SH3PXD2B: variants seen among roughly 807,000 people sequenced by gnomAD.
SH3PXD2B encodes the protein SH3 and PX domains 2B, also known as SH3 and PX domain-containing protein 2B.
SH3PXD2B carries 37 observed loss-of-function variants against 73.1 expected under a neutral mutation model. That is an observed-to-expected ratio of 0.51 (90% CI 0.39 to 0.67). The LOEUF is 0.67. Ranked by LOEUF, SH3PXD2B falls within the 30% of genes least tolerant of loss-of-function variation. SH3PXD2B has a pLI of 0.00. For missense variants in SH3PXD2B, 1,053 were observed against 1,197.8 expected, an observed-to-expected ratio of 0.88 and a Z score of 1.78; for synonymous variants, 457 against 480.5, an observed-to-expected ratio of 0.95 and a Z score of 0.64.
intron 2 of SH3PXD2B, among the ~76,000 whole-genome samples, chr5:172,413,536 A>AAATG (rs1430251925): frequency 2.6e-5 from 4 of 152,218 alleles, no homozygotes; most frequent in Non-Finnish European, 4.4e-5. Flanking sequence ...ACAAATGAGT[A>AAATG]AATGAATGAA....
chr5:172,361,146 T>C (rs1757395280), intron 7 of SH3PXD2B, among the ~76,000 whole-genome samples: 1 of 152,056 alleles, frequency 6.6e-6, no homozygotes, highest in Non-Finnish European at 1.5e-5. Flanking sequence ...TGTACAAGTA[T>C]ATATGTATGA....
intron 4 of SH3PXD2B, 143 bp downstream of exon 4, chr5:172,394,420 G>A: frequency 1.2e-6 from 1 of 810,620 alleles, no homozygotes; most frequent in Non-Finnish European, 2.0e-6. Context: ...TAAGTTGAAT[G>A]ATAATGAATG....
chr5:172,443,342 G>C (rs1759591128), intron 1 of SH3PXD2B, among the ~76,000 whole-genome samples: 1 of 152,190 alleles, frequency 6.6e-6, no homozygotes, highest in Admixed American at 6.5e-5. Context: ...ATTTCAGTCG[G>C]AGGTTAGTGA....
rs1581330500 is a variant in SH3PXD2B, at chr5:172,426,291, T to C, written c.76-3795A>G. The stretch of plus-strand genomic sequence containing the variant: ...TAGGGCTTTGTCCCCGTCCTGGGTT[T>C]GGGGGCTGGTGAGAGAGCACACACC... On this transcript the variant is annotated intron_variant, in intron 1 of 12. Transcript: ENST00000311601. 1.3e-5 allele frequency among the ~76,000 whole-genome samples: 2 copies of C among 152,198 alleles called. 1 individual carries two copies. Among genetic ancestry groups the C allele is most frequent in the South Asian group, 4.1e-4 (2 of 4,828 alleles).
intron 1 of SH3PXD2B, among the ~76,000 whole-genome samples, chr5:172,429,567 C>T (rs1281622847): frequency 3.4e-5 from 5 of 148,788 alleles, no homozygotes; most frequent in Admixed American, 1.3e-4. Flanking sequence ...ACAGAAGTCC[C>T]GGGTTTCCTC....
At chr5:172,436,249 T>C (rs1192920327) in intron 1 of SH3PXD2B, among the ~76,000 whole-genome samples, 1 of 152,240 alleles carries the variant, frequency 6.6e-6, no homozygotes, top group African/African-American at 2.4e-5. Context: ...CCCAGGATCC[T>C]GGAGAGGCCC....
rs761912938 is a variant in SH3PXD2B at position 172,336,303 on chromosome 5, C to T, written c.*2066G>A. On this transcript the variant is annotated 3_prime_UTR_variant, in exon 13 of 13. Coordinates refer to ENST00000311601, the MANE Select transcript of SH3PXD2B (RefSeq NM_001017995.3). The stretch of plus-strand genomic sequence containing the variant: ...AGAACTCAGGAAAACTGCCATGGGG[C>T]CTCCTCTCAAGGGAGGGGACCCTCA... The T allele has an allele frequency of 2.0e-6, 2 of 985,564 alleles. No homozygotes were observed. Among genetic ancestry groups the T allele is most frequent in the Non-Finnish European group, 2.4e-6 (2 of 829,964 alleles). 61.1% of individuals were successfully genotyped at this position (985,564 alleles called of 1,614,324 possible).
chr5:172,376,660 T>C (rs1383049499), intron 5 of SH3PXD2B, among the ~76,000 whole-genome samples: 1 of 152,146 alleles, frequency 6.6e-6, no homozygotes, highest in East Asian at 1.9e-4. Context: ...CCTCCAGGGA[T>C]AACATCACTG....
At chr5:172,354,777 C>T (rs1269406385) in intron 8 of SH3PXD2B, among the ~76,000 whole-genome samples, 1 of 152,210 alleles carries the variant, frequency 6.6e-6, no homozygotes, top group Non-Finnish European at 1.5e-5. Flanking sequence ...ATGCTCGAAG[C>T]TTCAACTTTC....
intron 12 of SH3PXD2B, among the ~76,000 whole-genome samples, chr5:172,343,619 G>A (rs372624316): frequency 6.6e-6 from 1 of 152,052 alleles, no homozygotes. Context: ...TGGCCAACAC[G>A]GTGAAACCCC....
intron 8 of SH3PXD2B, among the ~76,000 whole-genome samples, chr5:172,355,769 C>T (rs537118397): frequency 8.8e-4 from 134 of 152,178 alleles, no homozygotes; most frequent in African/African-American, 2.8e-3. Flanking sequence ...TGGTCTCGAT[C>T]TCCTGACCTC....
chr5:172,335,460 A>C lies in SH3PXD2B; in HGVS notation c.*2909T>G, dbSNP rs1412049502. The C allele has an allele frequency of 1.2e-5, 15 of 1,230,476 alleles. No homozygotes were observed. Among genetic ancestry groups the C allele is most frequent in the African/African-American group, 1.6e-5 (1 of 64,392 alleles). The allele number at this position is 1,230,476 out of a possible 1,614,324, so 76.2% of individuals were successfully genotyped here. A position where few individuals can be genotyped will look rare whatever the true frequency, so the allele number is the denominator to read the frequency against. On this transcript the variant is annotated 3_prime_UTR_variant, in exon 13 of 13. Transcript: ENST00000311601. ...AAAACCAAACAAACCCAAACTCGAGATCTCAGTCCCAGCTTGGCCACTATT... is the reference window on the plus strand; with the variant it reads ...AAAACCAAACAAACCCAAACTCGAGCTCTCAGTCCCAGCTTGGCCACTATT...
At chr5:172,358,962 T>A in intron 7 of SH3PXD2B, 85 bp from the exon 8 acceptor site, 1 of 1,230,248 alleles carries the variant, frequency 8.1e-7, no homozygotes, top group Non-Finnish European at 1.2e-6. Flanking sequence ...TCAGCCACTG[T>A]ACCAGTGAAT....
chr5:172,330,984 C>T (rs775463909), downstream of SH3PXD2B, among the ~76,000 whole-genome samples: 1 of 152,196 alleles, frequency 6.6e-6, no homozygotes, highest in Admixed American at 6.5e-5. Context: ...CACTTGAGGA[C>T]CAGAGTTCAT....
rs542106715 is a variant in SH3PXD2B at position 172,336,166 on chromosome 5, A to G, written c.*2203T>C. On this transcript the variant is annotated 3_prime_UTR_variant, in exon 13 of 13. Coordinates refer to ENST00000311601, the MANE Select transcript of SH3PXD2B (RefSeq NM_001017995.3). ...GAGTAGACACTCACAAAGTATCTGA[A>G]AGCGTCGCTGAAAGGCAAAGAGCAA... 9 of 986,028 alleles carry G rather than the reference A, an allele frequency of 9.1e-6. 1 individual carries two copies. In the Admixed American group the frequency reaches 3.7e-4, roughly 40 times the overall value. 61.1% of individuals were successfully genotyped at this position (986,028 alleles called of 1,614,324 possible).
rs886060420 is a variant in SH3PXD2B at position 172,338,046 on chromosome 5, G to A, written c.*323C>T. On this transcript the variant is annotated 3_prime_UTR_variant, in exon 13 of 13. Transcript: ENST00000311601. The surrounding 1 kb of genome is among the most constrained non-coding windows in gnomAD (Gnocchi z 5.1). ...CCAGGCAATGGGATCCAGTCCTGGA[G>A]GTCTTGGAGAGTCTTGGTCCCACTG... is the stretch of plus-strand genomic sequence containing the variant. 843 of 1,275,414 alleles carry A rather than the reference G, an allele frequency of 6.6e-4. 6 individuals carry two copies. The highest frequency in any genetic ancestry group is 4.5e-4 in the Admixed American group (13 of 29,126). The allele number at this position is 1,275,414 out of a possible 1,614,324, so 79.0% of individuals were successfully genotyped here.
chr5:172,414,780 C>A (rs924046107), intron 2 of SH3PXD2B, among the ~76,000 whole-genome samples: 2 of 152,220 alleles, frequency 1.3e-5, no homozygotes, highest in Admixed American at 1.3e-4. Context: ...CCGAGGGCTC[C>A]TTCACGGGCA....
At chr5:172,434,846 C>T (rs566462164) in intron 1 of SH3PXD2B, among the ~76,000 whole-genome samples, 9 of 150,264 alleles carry the variant, frequency 6.0e-5, no homozygotes, top group South Asian at 4.2e-4. Context: ...TGCAGTGGCA[C>T]GATCTCGGCT....
At chr5:172,454,211 C>CG in intron 1 of SH3PXD2B, 67 bp downstream of exon 1, 1 of 1,398,924 alleles carries the variant, frequency 7.1e-7, no homozygotes, top group South Asian at 1.2e-5. Context: ...TTTTCCAAGC[C>CG]GGGGGCCCTC....
Sources: gnomAD v4.1 joint callset for allele counts (sites outside exome capture counted in the v4.1 genomes callset) on GRCh38, gnomAD v4.1.1 for gene constraint, Gnocchi (gnomAD v3.1) non-coding constraint, MANE v1.5 for transcripts, NCBI Gene and HGNC (gene_info 2026-07-23, HGNC 2026-07-21) for gene names.